ARRB1: variants seen among roughly 807,000 people sequenced by gnomAD.
ARRB1 encodes the protein beta-arrestin-1.
ARRB1 carries 21 observed loss-of-function variants against 56.8 expected under a neutral mutation model. The ratio of observed to expected loss-of-function variants is 0.37; its 90% CI spans 0.26 to 0.53. ARRB1 has a LOEUF of 0.53. Ranked by LOEUF, ARRB1 falls within the 20% of genes least tolerant of loss-of-function variation. ARRB1 has a pLI of 0.88. For missense variants in ARRB1, 424 were observed against 553.7 expected, an observed-to-expected ratio of 0.77 and a Z score of 2.35; for synonymous variants, 210 against 218.6, an observed-to-expected ratio of 0.96 and a Z score of 0.35.
chr11:75,269,044 C>G (rs1946010550), intron 13 of ARRB1, 85 bp from the exon 14 acceptor site: 19 of 1,457,910 alleles, frequency 1.3e-5, no homozygotes, highest in Non-Finnish European at 1.8e-5. Context: ...AGTCCGAGGA[C>G]TGCAGAGGGT....
chr11:75,286,983 G>A (rs1946493483), intron 3 of ARRB1, among the ~76,000 whole-genome samples: 1 of 152,092 alleles, frequency 6.6e-6, no homozygotes, highest in African/African-American at 2.4e-5. Flanking sequence ...CTCCTTGTCT[G>A]GAAAGCAGGG....
chr11:75,285,621 C>T (rs982873222), intron 3 of ARRB1, among the ~76,000 whole-genome samples: 2 of 152,034 alleles, frequency 1.3e-5, no homozygotes, highest in African/African-American at 4.8e-5. Context: ...CAAATGGCAG[C>T]GTCACTATGG....
intron 1 of ARRB1, among the ~76,000 whole-genome samples, chr11:75,325,475 C>T (rs1031681628): frequency 2.6e-5 from 4 of 152,166 alleles, no homozygotes; most frequent in African/African-American, 9.7e-5. Flanking sequence ...GCATGTACCA[C>T]CACATCCAGC....
chr11:75,268,924 T>C lies in ARRB1; in HGVS notation c.1058A>G (p.His353Arg). 6.2e-7 allele frequency: 1 copy of C among 1,610,850 alleles called. No individual in the cohort carries two copies. Among genetic ancestry groups the C allele is most frequent in the Non-Finnish European group, 8.5e-7 (1 of 1,179,158 alleles). Residue 353 changes from histidine to arginine, a missense_variant, in exon 14 of 16, where the codon CAC becomes CGC. This residue lies in a region of ARRB1 where 121 missense variants were observed against 147.3 expected (regional missense o/e 0.82). Transcript: ENST00000420843. ...CGGGGGTTCCTCTTTGGGCTTGGGG[T>C]GCATTAGGGTGAAGGGCAGTTCCAC... ...VAVELPFTLM[H>R]PKPKEEPPHR...
At chr11:75,279,961 G>A (rs895850867) in intron 7 of ARRB1, among the ~76,000 whole-genome samples, 9 of 152,274 alleles carry the variant, frequency 5.9e-5, no homozygotes, top group African/African-American at 1.9e-4. Flanking sequence ...GAGCCACCAC[G>A]CCCAGCAAGG....
intron 1 of ARRB1, among the ~76,000 whole-genome samples, chr11:75,320,938 G>T (rs1221829464): frequency 6.6e-6 from 1 of 151,958 alleles, no homozygotes; most frequent in Non-Finnish European, 1.5e-5. Context: ...GAGACAGGAG[G>T]GGCCATGGGA....
At chr11:75,306,524 T>C in intron 1 of ARRB1, 1 of 1,125,124 alleles carries the variant, frequency 8.9e-7, no homozygotes, top group Non-Finnish European at 1.2e-6. Flanking sequence ...AAAAGCAAAC[T>C]TCCTGGTGAG....
intron 1 of ARRB1, among the ~76,000 whole-genome samples, chr11:75,304,904 A>G (rs1249126811): frequency 1.3e-5 from 2 of 149,584 alleles, no homozygotes; most frequent in Non-Finnish European, 3.0e-5. Flanking sequence ...AAGAGAGAGG[A>G]AAAAAAAAAG....
chr11:75,341,010 G>A (rs1947685358), intron 1 of ARRB1, among the ~76,000 whole-genome samples: 1 of 151,866 alleles, frequency 6.6e-6, no homozygotes, highest in South Asian at 2.1e-4. Context: ...CACTCCCTGT[G>A]CCCCCACCCC....
chr11:75,295,363 T>C (rs73000501), intron 1 of ARRB1, among the ~76,000 whole-genome samples: 34,761 of 151,978 alleles, frequency 0.23, 4,435 homozygotes, highest in African/African-American at 0.33. Context: ...GCTCAAGGGA[T>C]GAATCTGTTT....
At chr11:75,323,496 T>C (rs145435184) in intron 1 of ARRB1, among the ~76,000 whole-genome samples, 4,047 of 152,226 alleles carry the variant, frequency 0.027, 210 homozygotes, top group African/African-American at 0.093. Context: ...GGTGCATGCC[T>C]GTAGTCCCAG....
chr11:75,341,810 G>A (rs114898485), intron 1 of ARRB1, among the ~76,000 whole-genome samples: 77 of 152,354 alleles, frequency 5.1e-4, no homozygotes, highest in Middle Eastern at 6.8e-3. Flanking sequence ...CTCAAGGGCA[G>A]GACATGCTTG....
chr11:75,287,926 G>A (rs978126725), intron 2 of ARRB1, among the ~76,000 whole-genome samples: 6 of 151,870 alleles, frequency 4.0e-5, no homozygotes, highest in Non-Finnish European at 7.4e-5. Flanking sequence ...GCAATGGCGC[G>A]ATCTCAGATC....
chr11:75,283,635 G>A (rs12721489), intron 4 of ARRB1, 152 bp from the exon 5 acceptor site: 73,700 of 759,372 alleles, frequency 0.097, 4,345 homozygotes, highest in South Asian at 0.14. Flanking sequence ...CACCAGGAGG[G>A]CTGGTAGTGA....
chr11:75,275,469 A>T (rs902444187), intron 10 of ARRB1, among the ~76,000 whole-genome samples: 1 of 152,180 alleles, frequency 6.6e-6, no homozygotes, highest in African/African-American at 2.4e-5. Flanking sequence ...AAAAAGAAAA[A>T]ATTATAGCTA....
intron 11 of ARRB1, among the ~76,000 whole-genome samples, chr11:75,273,751 A>G (rs929830927): frequency 2.6e-5 from 4 of 152,160 alleles, no homozygotes; most frequent in Non-Finnish European, 5.9e-5. Context: ...GGGACACCCC[A>G]TCTGACTGAA....
chr11:75,283,207 C>T (rs924406804), intron 5 of ARRB1, 80 bp downstream of exon 5: 3 of 1,440,994 alleles, frequency 2.1e-6, no homozygotes, highest in Non-Finnish European at 2.8e-6. Context: ...CTGACCCTCA[C>T]CGCCCTCTTA....
rs1287126628 is a variant in ARRB1, at chr11:75,262,076, A to G, written c.*4087T>C. ...TTTTCCTGGGCCCGAAGCCCTCCCA[A>G]TGTCACTGAGAAGCTGTGGTGGCTC... On this transcript the variant is annotated 3_prime_UTR_variant, in exon 16 of 16. Coordinates refer to ENST00000420843, the MANE Select transcript of ARRB1 (RefSeq NM_004041.5). 1.3e-5 allele frequency: 2 copies of G among 152,222 alleles called. No individual in the cohort carries two copies. The highest frequency in any genetic ancestry group is 2.1e-4 in the South Asian group (1 of 4,832). The allele number at this position is 152,222 out of a possible 1,614,324, so 9.4% of individuals were successfully genotyped here.
At chr11:75,317,528 C>A (rs187576828) in intron 1 of ARRB1, among the ~76,000 whole-genome samples, 1 of 152,204 alleles carries the variant, frequency 6.6e-6, no homozygotes, top group African/African-American at 2.4e-5. Context: ...TCAGATCCCC[C>A]CATCAGACAA....
Sources: allele counts gnomAD v4.1 joint callset (sites outside exome capture counted in the v4.1 genomes callset), GRCh38; gene constraint gnomAD v4.1.1; regional missense constraint gnomAD v4.1.1; transcripts MANE v1.5; gene names NCBI Gene and HGNC (gene_info 2026-07-23, HGNC 2026-07-21).